Variants in DPP6 observed in about 807,000 individuals in gnomAD.
The protein encoded by DPP6 is A-type potassium channel modulatory protein DPP6.
In DPP6, 69 loss-of-function variants were observed where a neutral mutation model predicts 122.6. The ratio of observed to expected loss-of-function variants is 0.56; its 90% CI spans 0.46 to 0.69. DPP6 has a LOEUF of 0.69. Among genes scored for constraint, DPP6 ranks in the 30% least tolerant of loss-of-function variants. The pLI, the probability that DPP6 is intolerant of heterozygous loss-of-function variation, is 0.00. For synonymous variants in DPP6, 418 were observed against 433.1 expected, an observed-to-expected ratio of 0.97 and a Z score of 0.43; for missense variants, 928 against 1,116.9, an observed-to-expected ratio of 0.83 and a Z score of 2.41.
the DPP6 span, among the ~76,000 whole-genome samples, chr7:153,765,203 G>A: frequency 1.3e-5 from 2 of 151,928 alleles, no homozygotes; most frequent in Non-Finnish European, 2.9e-5. Context: ...GTCACCTTGG[G>A]CTGCAGGGAC....
At chr7:154,889,393 C>G (rs369416283) in intron 24 of DPP6, 49 bp downstream of exon 24, 80 of 1,608,142 alleles carry the variant, frequency 5.0e-5, no homozygotes, top group Non-Finnish European at 6.6e-5. Context: ...AGAGCCTCCT[C>G]CTTGATGGCA....
chr7:154,333,701 A>G (rs964965859), intron 1 of DPP6, among the ~76,000 whole-genome samples: 4 of 152,222 alleles, frequency 2.6e-5, no homozygotes, highest in Admixed American at 1.3e-4. Context: ...GAAAACTGGA[A>G]TCAGAAAAAC....
At position 154,403,234 on chromosome 7, in the gene DPP6, G is replaced by A. The variant is rs1815791583; in HGVS notation, c.244-42980G>A. ...CCCAGCATTTGGGTCCATCACTGGCGATGTGCTGCTGGCCTCAGAATGTCT... is the reference window on the plus strand; with the variant it reads ...CCCAGCATTTGGGTCCATCACTGGCAATGTGCTGCTGGCCTCAGAATGTCT... On this transcript the variant is annotated intron_variant, in intron 1 of 25. Coordinates refer to ENST00000377770, the MANE Select transcript of DPP6 (RefSeq NM_130797.4). This position sits in a 1 kb window ranked among gnomAD's most constrained non-coding sequence, Gnocchi z 4.1. 6.6e-6 allele frequency among the ~76,000 whole-genome samples: 1 copy of A among 152,216 alleles called. No individual in the cohort carries two copies. Among genetic ancestry groups the A allele is most frequent in the Non-Finnish European group, 1.5e-5 (1 of 68,038 alleles).
At chr7:154,584,277 G>GC (rs1337064334) in intron 5 of DPP6, among the ~76,000 whole-genome samples, 5 of 152,182 alleles carry the variant, frequency 3.3e-5, no homozygotes, top group Non-Finnish European at 7.3e-5. Context: ...GGGAGCACCT[G>GC]CCTCCTCCAC....
chr7:153,842,478 T>C, the DPP6 span, among the ~76,000 whole-genome samples: 205 of 152,224 alleles, frequency 1.3e-3, no homozygotes, highest in African/African-American at 4.6e-3. Context: ...ATTTTTCTAT[T>C]TTGCATTCAA....
the DPP6 span, among the ~76,000 whole-genome samples, chr7:153,840,139 T>C: frequency 6.6e-6 from 1 of 152,202 alleles, no homozygotes; most frequent in Non-Finnish European, 1.5e-5. Context: ...TGAAGATCTC[T>C]TCTAAAATTT....
intron 5 of DPP6, among the ~76,000 whole-genome samples, chr7:154,572,244 G>A (rs895335832): frequency 1.3e-5 from 2 of 152,158 alleles, no homozygotes; most frequent in Non-Finnish European, 2.9e-5. Flanking sequence ...TATAAAGCTT[G>A]AAGAACACCC....
At chr7:153,935,065 A>G (rs1380057046) in intron 1 of DPP6, among the ~76,000 whole-genome samples, 7 of 152,218 alleles carry the variant, frequency 4.6e-5, no homozygotes, top group African/African-American at 1.7e-4. Context: ...GGGATGGCGA[A>G]TGTCCTGACA....
intron 1 of DPP6, among the ~76,000 whole-genome samples, chr7:154,105,940 C>T (rs1048549156): frequency 2.0e-5 from 3 of 149,270 alleles, no homozygotes; most frequent in Non-Finnish European, 2.9e-5. Context: ...GGCATGGCCC[C>T]GACTCGCTTT....
chr7:154,107,567 A>C (rs1290754648), intron 1 of DPP6, among the ~76,000 whole-genome samples: 2 of 152,216 alleles, frequency 1.3e-5, no homozygotes, highest in African/African-American at 4.8e-5. Flanking sequence ...GATTTTAAAT[A>C]TTTGTACCAC....
chr7:154,073,542 G>T (rs1416060973), intron 1 of DPP6, among the ~76,000 whole-genome samples: 1 of 152,212 alleles, frequency 6.6e-6, no homozygotes, highest in Non-Finnish European at 1.5e-5. Context: ...TCAAGGACGA[G>T]TACTTTTCTA....
intron 5 of DPP6, among the ~76,000 whole-genome samples, chr7:154,635,493 ACGTATCTAAAT>A (rs1431347383): frequency 6.6e-6 from 1 of 152,236 alleles, no homozygotes; most frequent in African/African-American, 2.4e-5. Context: ...TTCAGAAGAA[ACGTATCTAAAT>A]CTGATTTTAA....
chr7:153,969,672 T>A (rs1795933927), intron 1 of DPP6, among the ~76,000 whole-genome samples: 1 of 149,262 alleles, frequency 6.7e-6, no homozygotes, highest in Non-Finnish European at 1.5e-5. Flanking sequence ...TCTATACTTT[T>A]TTGTGTCCTC....
chr7:154,681,422 T>G (rs1459229830), intron 7 of DPP6, among the ~76,000 whole-genome samples: 1 of 152,188 alleles, frequency 6.6e-6, no homozygotes, highest in African/African-American at 2.4e-5. Flanking sequence ...AGTGATAGAT[T>G]CTTGAGAGAA....
chr7:153,767,266 A>T, the DPP6 span, among the ~76,000 whole-genome samples: 1 of 152,198 alleles, frequency 6.6e-6, no homozygotes. Context: ...ATTTTAAGAG[A>T]CAAATTGTGT....
chr7:154,775,656 T>A (rs978405599), intron 10 of DPP6, among the ~76,000 whole-genome samples: 1 of 152,000 alleles, frequency 6.6e-6, no homozygotes, highest in Non-Finnish European at 1.5e-5. Flanking sequence ...AGGGTGAGTC[T>A]GCCGGGTTAC....
At chr7:154,130,122 A>G (rs528579091) in intron 1 of DPP6, among the ~76,000 whole-genome samples, 1 of 152,194 alleles carries the variant, frequency 6.6e-6, no homozygotes, top group East Asian at 1.9e-4. Flanking sequence ...AAAGAAAAAA[A>G]GAAAAGAAAA....
At chr7:154,469,368 T>C (rs193173134) in intron 2 of DPP6, among the ~76,000 whole-genome samples, 10 of 152,346 alleles carry the variant, frequency 6.6e-5, no homozygotes, top group African/African-American at 2.2e-4. Flanking sequence ...CAGAGAAATA[T>C]GTTTTTGTGT....
intron 1 of DPP6, among the ~76,000 whole-genome samples, chr7:154,032,265 G>A (rs950756312): frequency 2.0e-5 from 3 of 152,120 alleles, no homozygotes; most frequent in African/African-American, 7.2e-5. Context: ...GGACAAGGAC[G>A]TTGCAGGTGG....
Sources: gnomAD v4.1 joint callset for allele counts (sites outside exome capture counted in the v4.1 genomes callset) on GRCh38, gnomAD v4.1.1 for gene constraint, Gnocchi (gnomAD v3.1) non-coding constraint, MANE v1.5 for transcripts, NCBI Gene and HGNC (gene_info 2026-07-23, HGNC 2026-07-21) for gene names.